The following PHACTR2 variants were observed in gnomAD, a reference collection of about 807,000 sequenced individuals.
PHACTR2 encodes the protein chromosome 6 open reading frame 56.
PHACTR2 carries 30 observed loss-of-function variants against 76.0 expected under a neutral mutation model. The observed-to-expected ratio is 0.39, with a 90% CI of 0.30 to 0.54. The LOEUF is 0.54. Among genes scored for constraint, PHACTR2 ranks in the 20% least tolerant of loss-of-function variants. The probability of loss-of-function intolerance (pLI) is 0.61; values close to 1 mark genes in which losing one functional copy is unlikely to be tolerated. For synonymous variants in PHACTR2, 292 were observed against 292.5 expected (o/e 1.00, Z 0.02); for missense variants, 696 against 781.1 (o/e 0.89, Z 1.30).
intron 1 of PHACTR2, among the ~76,000 whole-genome samples, chr6:143,613,459 G>C (rs1776012418): frequency 6.6e-6 from 1 of 152,164 alleles, no homozygotes. Flanking sequence ...TTTCTTCCTA[G>C]TTTTACTCTA....
chr6:143,606,187 T>A (rs941669945), upstream of PHACTR2, among the ~76,000 whole-genome samples: 1 of 152,194 alleles, frequency 6.6e-6, no homozygotes, highest in African/African-American at 2.4e-5. Context: ...CTAAGTGGAA[T>A]AAGTAAAGAT....
chr6:143,603,381 A>G (rs1775834753), upstream of PHACTR2, among the ~76,000 whole-genome samples: 1 of 151,840 alleles, frequency 6.6e-6, no homozygotes, highest in African/African-American at 2.4e-5. Context: ...GAAAAAAATT[A>G]TAGCCAAGGA....
chr6:143,669,346 C>A (rs1777103704), intron 1 of PHACTR2, among the ~76,000 whole-genome samples: 1 of 152,102 alleles, frequency 6.6e-6, no homozygotes. Flanking sequence ...AATGTATATT[C>A]TGCTGATTTG....
Position 143,656,850 on chromosome 6 carries a change from T to C in PHACTR2, c.13+48528T>C, listed in dbSNP as rs1015637642. Among the ~76,000 whole-genome samples the C allele has an allele frequency of 3.9e-5, 6 of 152,328 alleles. No individual in the cohort carries two copies. The highest frequency in any genetic ancestry group is 3.9e-4 in the Admixed American group (6 of 15,292). Reference sequence around the variant, plus strand: ...CCCAAACTTAGTTTCAAAAAAACTATCTGCCAGGTTTCAAATGAACATAGG... The same window carrying C: ...CCCAAACTTAGTTTCAAAAAAACTACCTGCCAGGTTTCAAATGAACATAGG... On this transcript the variant is annotated intron_variant, in intron 1 of 11. Transcript: ENST00000305766. This position sits in a 1 kb window ranked among gnomAD's most constrained non-coding sequence, Gnocchi z 5.3.
chr6:143,578,020 C>T lies in PHACTR2; in HGVS notation c.217+40813C>T, dbSNP rs529300563. 3.3e-5 allele frequency among the ~76,000 whole-genome samples: 5 copies of T among 152,202 alleles called. No individual in the cohort carries two copies. Among genetic ancestry groups the T allele is most frequent in the Non-Finnish European group, 5.9e-5 (4 of 68,042 alleles). ...ATCTGGTCCAAGACACTCTATCCCC[C>T]GTTCGTTTGCCAACACCTGTGAGAA... On this transcript the variant is annotated intron_variant, in intron 1 of 11. Coordinates refer to the PHACTR2 transcript ENST00000367584. This position sits in a 1 kb window ranked among gnomAD's most constrained non-coding sequence, Gnocchi z 4.5.
At chr6:143,792,978 G>C (rs975999754) in intron 11 of PHACTR2, among the ~76,000 whole-genome samples, 6 of 152,232 alleles carry the variant, frequency 3.9e-5, no homozygotes, top group African/African-American at 1.4e-4. Context: ...CTTCTTGACA[G>C]GGGAGTGGCA....
intron 2 of PHACTR2, among the ~76,000 whole-genome samples, chr6:143,748,155 T>C (rs1202086641): frequency 1.3e-5 from 2 of 152,174 alleles, no homozygotes; most frequent in Non-Finnish European, 2.9e-5. Flanking sequence ...AACTTCAGCC[T>C]CCTGGGTTCA....
rs960342881 is a variant in PHACTR2, at chr6:143,775,660, C to T, written c.1589+1445C>T. On this transcript the variant is annotated intron_variant, in intron 8 of 12. Coordinates refer to ENST00000440869, the MANE Select transcript of PHACTR2 (RefSeq NM_001100164.2). The surrounding 1 kb of genome is among the most constrained non-coding windows in gnomAD (Gnocchi z 4.4). ...ACTCTATGTAAGAGAGTATATGCTT[C>T]TAGGTTTTCTGATTGTTTTATTACT... Among the ~76,000 whole-genome samples, 3 of 152,142 alleles carry T rather than the reference C, an allele frequency of 2.0e-5. No individual in the cohort carries two copies. The highest frequency in any genetic ancestry group is 7.2e-5 in the African/African-American group (3 of 41,424).
At chr6:143,773,400 T>A (rs1775198753) in intron 7 of PHACTR2, among the ~76,000 whole-genome samples, 1 of 151,276 alleles carries the variant, frequency 6.6e-6, no homozygotes, top group African/African-American at 2.4e-5. Flanking sequence ...AGTGCTTTTA[T>A]TTTTTTTTAA....
Position 143,823,560 on chromosome 6 carries a change from TGG to T in PHACTR2, c.1923-110_1923-109del. ...AGAAATTTGTAAACAGTAATTCAGT[TGG>T]GGGATATCTGGGGTACCTTTTCATT... On this transcript the variant is annotated intron_variant, in intron 12 of 12. Transcript: ENST00000440869. This position sits in a 1 kb window ranked among gnomAD's most constrained non-coding sequence, Gnocchi z 5.7. The T allele has an allele frequency of 1.4e-6, 1 of 708,300 alleles. No individual in the cohort carries two copies. Among genetic ancestry groups the T allele is most frequent in the Non-Finnish European group, 2.6e-6 (1 of 389,442 alleles). The allele number at this position is 708,300 out of a possible 1,614,324, so 43.9% of individuals were successfully genotyped here.
chr6:143,673,198 A>G (rs1242022944), upstream of PHACTR2, among the ~76,000 whole-genome samples: 1 of 152,178 alleles, frequency 6.6e-6, no homozygotes, highest in East Asian at 1.9e-4. Flanking sequence ...AGTCAATTCT[A>G]GGTGAATGAG....
chr6:143,632,773 C>T (rs1776385421), intron 1 of PHACTR2, among the ~76,000 whole-genome samples: 1 of 152,112 alleles, frequency 6.6e-6, no homozygotes, highest in Non-Finnish European at 1.5e-5. Context: ...TCCCTTTTCC[C>T]CCCTAAATCC....
In PHACTR2 at chr6:143,549,072, A is replaced by G. The variant is rs1347037594; in HGVS notation, c.217+11865A>G. ...TTCTCTCCCCCCGACCCAGATTGAC[A>G]TGGTGCCTGATCTCCTCCCCAGCGA... is the stretch of plus-strand genomic sequence containing the variant. On this transcript the variant is annotated intron_variant, in intron 1 of 11. Coordinates refer to the PHACTR2 transcript ENST00000367584. The surrounding 1 kb of genome is among the most constrained non-coding windows in gnomAD (Gnocchi z 4.2). 1.3e-5 allele frequency among the ~76,000 whole-genome samples: 2 copies of G among 151,930 alleles called. No individual in the cohort carries two copies. The highest frequency in any genetic ancestry group is 6.6e-5 in the Admixed American group (1 of 15,244).
At chr6:143,814,320 A>G (rs905768152) in intron 12 of PHACTR2, among the ~76,000 whole-genome samples, 2 of 152,188 alleles carry the variant, frequency 1.3e-5, no homozygotes, top group African/African-American at 4.8e-5. Flanking sequence ...CGCCTGGGCA[A>G]CAGAGTGAGA....
intron 1 of PHACTR2, among the ~76,000 whole-genome samples, chr6:143,586,668 G>A (rs1214784186): frequency 6.6e-6 from 1 of 152,200 alleles, no homozygotes; most frequent in Non-Finnish European, 1.5e-5. Context: ...ATTAAAAGGC[G>A]GTTTATGCAG....
Position 143,580,706 on chromosome 6 carries a change from AAAG to A in PHACTR2, c.217+43503_217+43505del, listed in dbSNP as rs1301655349. Among the ~76,000 whole-genome samples, 2 of 152,172 alleles carry A rather than the reference AAAG, an allele frequency of 1.3e-5. No individual in the cohort carries two copies. The highest frequency in any genetic ancestry group is 2.9e-5 in the Non-Finnish European group (2 of 68,026). On this transcript the variant is annotated intron_variant, in intron 1 of 11. Transcript: ENST00000367584. The surrounding 1 kb of genome is among the most constrained non-coding windows in gnomAD (Gnocchi z 4.2). Reference sequence around the variant, plus strand: ...AAATAAAATAAAACAATAAAAAATAAAAGAAGGGAGCCACTTAGTCCTGGCCTC... The same window carrying A: ...AAATAAAATAAAACAATAAAAAATAAAAGGGAGCCACTTAGTCCTGGCCTC...
Position 143,793,818 on chromosome 6 carries a change from GA to G in PHACTR2, c.1845+4909del, listed in dbSNP as rs1775769389. On this transcript the variant is annotated intron_variant, in intron 11 of 12. Coordinates refer to ENST00000440869, the MANE Select transcript of PHACTR2 (RefSeq NM_001100164.2). This position sits in a 1 kb window ranked among gnomAD's most constrained non-coding sequence, Gnocchi z 4.4. ...TGTAGTCCCAGCTACTCGGGAAGCTGAGGTGGGAGAATTGCTTGAGCCCAGG... is the reference window on the plus strand; with the variant it reads ...TGTAGTCCCAGCTACTCGGGAAGCTGGGTGGGAGAATTGCTTGAGCCCAGG... 6.6e-6 allele frequency among the ~76,000 whole-genome samples: 1 copy of G among 152,116 alleles called. No individual in the cohort carries two copies. Among genetic ancestry groups the G allele is most frequent in the African/African-American group, 2.4e-5 (1 of 41,408 alleles).
intron 2 of PHACTR2, among the ~76,000 whole-genome samples, chr6:143,724,588 G>C (rs1042889911): frequency 2.0e-5 from 3 of 147,938 alleles, no homozygotes; most frequent in Non-Finnish European, 4.5e-5. Context: ...GAAAAATAGA[G>C]GTCCCAGCCC....
intron 2 of PHACTR2, among the ~76,000 whole-genome samples, chr6:143,736,668 A>G (rs112502084): frequency 0.05 from 6,822 of 137,018 alleles, 537 homozygotes; most frequent in African/African-American, 0.17. Flanking sequence ...CCCGCCTCCC[A>G]GGTTCAAGCC....
Sources: allele counts gnomAD v4.1 joint callset (sites outside exome capture counted in the v4.1 genomes callset), GRCh38; gene constraint gnomAD v4.1.1; non-coding constraint Gnocchi (gnomAD v3.1); transcripts MANE v1.5; gene names NCBI Gene and HGNC (gene_info 2026-07-23, HGNC 2026-07-21).